Variants in NAA15 observed in about 807,000 individuals in gnomAD.
The protein encoded by NAA15 is N-alpha-acetyltransferase 15, NatA auxiliary subunit.
Under a neutral mutation model 114.0 loss-of-function variants are expected in NAA15, and 34 were observed. The ratio of observed to expected loss-of-function variants is 0.30; its 90% confidence interval spans 0.23 to 0.40. The LOEUF is 0.40. Ranked by LOEUF, NAA15 falls within the 10% of genes least tolerant of loss-of-function variation. The probability of loss-of-function intolerance (pLI) is 1.00; values close to 1 mark genes in which losing one functional copy is unlikely to be tolerated. For missense variants in NAA15, 658 were observed against 1,004.5 expected (o/e 0.66, Z 4.66); for synonymous variants, 340 against 338.0 (o/e 1.01, Z -0.06).
At position 139,360,200 on chromosome 4, in the gene NAA15, G is replaced by A. The variant is rs545680019; in HGVS notation, c.1411-300G>A. Among the ~76,000 whole-genome samples the A allele has an allele frequency of 3.9e-5, 6 of 152,042 alleles. No homozygotes were observed. In the South Asian group the frequency reaches 1.0e-3, roughly 26 times the overall value. On this transcript the variant is annotated intron_variant, in intron 12 of 19. Transcript: ENST00000296543. ...GCTATGTGGTGGTGTTCTTTTTCTT[G>A]TATTAATCCCTACCCTCAATTATGT...
chr4:139,354,459 A>C (rs1747876947), intron 10 of NAA15, among the ~76,000 whole-genome samples: 1 of 151,566 alleles, frequency 6.6e-6, no homozygotes, highest in Admixed American at 6.6e-5. Context: ...CCATCATGCC[A>C]GGCTAATTTT....
chr4:139,304,745 G>A (rs1348700223), intron 1 of NAA15, among the ~76,000 whole-genome samples: 2 of 152,074 alleles, frequency 1.3e-5, no homozygotes, highest in Middle Eastern at 3.2e-3. Flanking sequence ...CCCATGTATA[G>A]ATTGCACCAC....
intron 1 of NAA15, among the ~76,000 whole-genome samples, chr4:139,315,061 T>C (rs369642812): frequency 4.9e-5 from 3 of 61,206 alleles, no homozygotes; most frequent in Non-Finnish European, 1.0e-4. Flanking sequence ...GTTAGTTTAG[T>C]TTAGTTTAGT....
chr4:139,309,505 A>G (rs1371255845), intron 1 of NAA15, among the ~76,000 whole-genome samples: 12 of 150,346 alleles, frequency 8.0e-5, no homozygotes, highest in Admixed American at 3.3e-4. Flanking sequence ...GCTAGTCCTG[A>G]GCTCAGGTGA....
chr4:139,308,673 A>G (rs1280898348), intron 1 of NAA15, among the ~76,000 whole-genome samples: 2 of 152,112 alleles, frequency 1.3e-5, no homozygotes, highest in Non-Finnish European at 2.9e-5. Flanking sequence ...ATCTCAGCTC[A>G]CTGCACTCTC....
intron 11 of NAA15, 55 bp from the exon 12 acceptor site, chr4:139,359,688 C>G: frequency 6.6e-7 from 1 of 1,516,588 alleles, no homozygotes; most frequent in Non-Finnish European, 8.9e-7. Context: ...AATGAATTAC[C>G]TGCACAGTAA....
intron 1 of NAA15, 143 bp from the exon 2 acceptor site, chr4:139,334,031 T>A: frequency 1.7e-6 from 1 of 584,688 alleles, no homozygotes; most frequent in Non-Finnish European, 3.0e-6. Flanking sequence ...ACCTTTTGTA[T>A]TTTTTATTGG....
rs1340169854 is a variant in NAA15, at chr4:139,378,963, A to T, written c.2155+109A>T. The T allele has an allele frequency of 2.8e-5, 19 of 667,906 alleles. No individual in the cohort carries two copies. The East Asian group carries it at 5.7e-4, about 20-fold the overall frequency. 41.4% of individuals were successfully genotyped at this position (667,906 alleles called of 1,614,324 possible). On this transcript the variant is annotated intron_variant, in intron 17 of 19. Transcript: ENST00000296543. Reference sequence around the variant, plus strand: ...AACCAAATGATTTTAAAGCTGTCACATACTAAATTAGCTAAGGGAAAAGCA... The same window carrying T: ...AACCAAATGATTTTAAAGCTGTCACTTACTAAATTAGCTAAGGGAAAAGCA...
intron 1 of NAA15, among the ~76,000 whole-genome samples, chr4:139,326,466 C>T (rs1369536689): frequency 6.6e-6 from 1 of 152,160 alleles, no homozygotes; most frequent in Non-Finnish European, 1.5e-5. Flanking sequence ...CTCATGATTG[C>T]TCTCCATGAT....
At chr4:139,331,333 G>A (rs1746992693) in intron 1 of NAA15, among the ~76,000 whole-genome samples, 1 of 151,908 alleles carries the variant, frequency 6.6e-6, no homozygotes, top group African/African-American at 2.4e-5. Context: ...TTAAATATTT[G>A]TTGACCTCTG....
chr4:139,324,777 C>G (rs1746736507), intron 1 of NAA15, among the ~76,000 whole-genome samples: 1 of 152,062 alleles, frequency 6.6e-6, no homozygotes. Context: ...GTTACTTTTT[C>G]CTTTCTATTC....
At chr4:139,316,010 A>C in intron 1 of NAA15, among the ~76,000 whole-genome samples, 1 of 151,010 alleles carries the variant, frequency 6.6e-6, no homozygotes, top group East Asian at 1.9e-4. Context: ...TGATTTTTTG[A>C]AGTTATATTT....
intron 11 of NAA15, among the ~76,000 whole-genome samples, chr4:139,357,829 T>G (rs990547403): frequency 1.3e-5 from 2 of 152,130 alleles, no homozygotes; most frequent in Non-Finnish European, 2.9e-5. Context: ...GTTTGGAGAG[T>G]AAGAGTATAT....
intron 1 of NAA15, among the ~76,000 whole-genome samples, chr4:139,326,619 G>A (rs1039922964): frequency 4.6e-5 from 7 of 151,966 alleles, no homozygotes; most frequent in African/African-American, 1.7e-4. Context: ...AAATTTTTCC[G>A]TTCATAGTGT....
intron 17 of NAA15, among the ~76,000 whole-genome samples, chr4:139,383,118 C>G (rs1748797376): frequency 6.6e-6 from 1 of 152,116 alleles, no homozygotes; most frequent in Non-Finnish European, 1.5e-5. Flanking sequence ...AAGTCATCAC[C>G]ATAGTTCCCA....
rs1746016861 is a variant in NAA15 at position 139,306,408 on chromosome 4, T to C, written c.54+4577T>C. ...CACACTCGGCTAATTTTTTTTTTTG[T>C]ATTTTTAGTAGAGATGGTGTTTCAC... On this transcript the variant is annotated intron_variant, in intron 1 of 19. Coordinates refer to ENST00000296543, the MANE Select transcript of NAA15 (RefSeq NM_057175.5). 1.3e-5 allele frequency among the ~76,000 whole-genome samples: 2 copies of C among 148,998 alleles called. 1 individual carries two copies. Among genetic ancestry groups the C allele is most frequent in the South Asian group, 4.2e-4 (2 of 4,718 alleles).
chr4:139,323,280 C>G (rs34327105), intron 1 of NAA15, among the ~76,000 whole-genome samples: 40,371 of 151,996 alleles, frequency 0.27, 5,682 homozygotes, highest in African/African-American at 0.35. Context: ...TGGTCTCGAA[C>G]TCCTGACCTC....
chr4:139,359,151 C>A (rs1374828752), intron 11 of NAA15, among the ~76,000 whole-genome samples: 2 of 151,618 alleles, frequency 1.3e-5, no homozygotes, highest in Non-Finnish European at 2.9e-5. Context: ...TTTTTATTGA[C>A]ATGGAGTCTT....
rs1397126264 is a variant in NAA15, at chr4:139,351,616, A to G, written c.1014+5A>G. 14 of 1,382,760 alleles carry G rather than the reference A, an allele frequency of 1.0e-5. No homozygotes were observed. The highest frequency in any genetic ancestry group is 1.4e-5 in the Non-Finnish European group (14 of 974,846). 85.7% of individuals were successfully genotyped at this position (1,382,760 alleles called of 1,614,324 possible). Reference sequence around the variant, plus strand: ...TTATACAAAGACAAAGAAAAGGTAAAGTGAAATATGATACTTTCTTTTGGC... The same window carrying G: ...TTATACAAAGACAAAGAAAAGGTAAGGTGAAATATGATACTTTCTTTTGGC... On this transcript the variant is annotated splice_donor_5th_base_variant and intron_variant, in intron 9 of 19. Transcript: ENST00000296543.
Sources: gnomAD v4.1 joint callset for allele counts (sites outside exome capture counted in the v4.1 genomes callset) on GRCh38, gnomAD v4.1.1 for gene constraint, MANE v1.5 for transcripts, NCBI Gene and HGNC (gene_info 2026-07-23, HGNC 2026-07-21) for gene names.